AIPL1: variants seen among roughly 807,000 people sequenced by gnomAD.
The protein encoded by AIPL1 is AIP like 1 HSP90 co-chaperone.
In AIPL1, 23 loss-of-function variants were observed where a neutral mutation model predicts 32.9. That is an observed-to-expected ratio of 0.70 (90% CI 0.50 to 0.99). The LOEUF is 0.99. AIPL1 is among the 50% of genes least tolerant of loss of function. AIPL1 has a pLI of 0.00. For missense variants in AIPL1, 485 were observed against 506.0 expected, an observed-to-expected ratio of 0.96 and a Z score of 0.40; for synonymous variants, 210 against 209.4, an observed-to-expected ratio of 1.00 and a Z score of -0.02.
At chr17:6,428,616 A>G in intron 2 of AIPL1, 110 bp from the exon 3 acceptor site, 2 of 986,282 alleles carry the variant, frequency 2.0e-6, no homozygotes, top group Non-Finnish European at 3.2e-6. Flanking sequence ...CTCCCTCACT[A>G]TGCCACTCAT....
At chr17:6,429,756 C>T (rs770862389) in intron 2 of AIPL1, among the ~76,000 whole-genome samples, 5 of 152,128 alleles carry the variant, frequency 3.3e-5, no homozygotes, top group African/African-American at 4.8e-5. Context: ...TCCTAACATA[C>T]AGCACAGGCC....
rs1362966770 is a variant in AIPL1, at chr17:6,425,834, T to A, written c.785-4A>T. 1.9e-6 allele frequency: 3 copies of A among 1,602,504 alleles called. No individual in the cohort carries two copies. In the South Asian group the frequency reaches 3.3e-5, roughly 18 times the overall value. The stretch of plus-strand genomic sequence containing the variant: ...ACGTAGTAGGCCTTCACGATGCCTG[T>A]GGGGAGCAGGGAGCATCCAGCTACA... On this transcript the variant is annotated splice_polypyrimidine_tract_variant and splice_region_variant and intron_variant, in intron 5 of 5. Transcript: ENST00000381129.
intron 2 of AIPL1, among the ~76,000 whole-genome samples, chr17:6,432,630 T>C (rs1912710393): frequency 7.4e-6 from 1 of 134,818 alleles, no homozygotes; most frequent in Admixed American, 7.9e-5. Flanking sequence ...GTTTCTTTAA[T>C]ATCCTCTTTT....
intron 2 of AIPL1, among the ~76,000 whole-genome samples, chr17:6,432,974 C>T (rs939345717): frequency 5.3e-5 from 8 of 152,252 alleles, no homozygotes; most frequent in Admixed American, 2.6e-4. Context: ...TTTGGTTTAA[C>T]CACGCAGGAC....
intron 5 of AIPL1, 187 bp from the exon 6 acceptor site, chr17:6,426,017 T>C (rs1419265734): frequency 9.7e-7 from 1 of 1,025,854 alleles, no homozygotes; most frequent in African/African-American, 1.6e-5. Context: ...CAGTACCTCC[T>C]CCTCTCCTTT....
intron 4 of AIPL1, 21 bp downstream of exon 4, chr17:6,426,860 C>G (rs199644708): frequency 6.2e-7 from 1 of 1,613,932 alleles, no homozygotes; most frequent in South Asian, 1.1e-5. Context: ...CACTTCCCAC[C>G]CCTGGCCAGC....
At chr17:6,428,147 A>C (rs1353460461) in intron 3 of AIPL1, among the ~76,000 whole-genome samples, 171 bp downstream of exon 3, 1 of 152,194 alleles carries the variant, frequency 6.6e-6, no homozygotes, top group Non-Finnish European at 1.5e-5. Flanking sequence ...TGGAAAAATC[A>C]GAGGACTTTT....
chr17:6,433,485 G>A (rs954568857), intron 2 of AIPL1, among the ~76,000 whole-genome samples: 2 of 152,056 alleles, frequency 1.3e-5, no homozygotes, highest in Non-Finnish European at 2.9e-5. Context: ...CAACTACTTG[G>A]AAGGCTGAAG....
rs777463349 is a variant in AIPL1 at position 6,425,130 on chromosome 17, C to T, written c.*330G>A. ...AGAAAGGATCAGAGCATCAAATCCT[C>T]ATTTGTCATTGACATGGGGTAAAAT... On this transcript the variant is annotated 3_prime_UTR_variant, in exon 6 of 6. Coordinates refer to ENST00000381129, the MANE Select transcript of AIPL1 (RefSeq NM_014336.5). 4 of 232,340 alleles carry T rather than the reference C, an allele frequency of 1.7e-5. No homozygotes were observed. Among genetic ancestry groups the T allele is most frequent in the Non-Finnish European group, 2.5e-5 (3 of 119,418 alleles). The allele number at this position is 232,340 out of a possible 1,614,324, so 14.4% of individuals were successfully genotyped here.
rs187185709 is a variant in AIPL1 at position 6,425,371 on chromosome 17, T to A, written c.*89A>T. ...GATTTCAAAAATTAATTTTAAATTT[T>A]AAAAAGTGACACCACGATCCTGGTC... On this transcript the variant is annotated 3_prime_UTR_variant, in exon 6 of 6. Coordinates refer to ENST00000381129, the MANE Select transcript of AIPL1 (RefSeq NM_014336.5). 9 of 1,440,084 alleles carry A rather than the reference T, an allele frequency of 6.2e-6. No homozygotes were observed. In the African/African-American group the frequency reaches 7.1e-5, roughly 11 times the overall value. 89.2% of individuals were successfully genotyped at this position (1,440,084 alleles called of 1,614,324 possible). A position where few individuals can be genotyped will look rare whatever the true frequency, so the allele number is the denominator to read the frequency against.
In AIPL1 at chr17:6,434,996, G is replaced by T. The variant is rs1213538509; in HGVS notation, c.96+13C>A. ...GTGGGGGACCCTGTCTGCTCCGGAG[G>T]GGCCCCACTCACTCGGGATCCGGTG... On this transcript the variant is annotated intron_variant, in intron 1 of 5. Coordinates refer to ENST00000381129, the MANE Select transcript of AIPL1 (RefSeq NM_014336.5). 2 of 1,614,030 alleles carry T rather than the reference G, an allele frequency of 1.2e-6. No individual in the cohort carries two copies. The highest frequency in any genetic ancestry group is 3.3e-5 in the Admixed American group (2 of 60,012).
intron 4 of AIPL1, 32 bp from the exon 5 acceptor site, chr17:6,426,788 G>C (rs1912018763): frequency 1.9e-6 from 3 of 1,612,678 alleles, no homozygotes; most frequent in Non-Finnish European, 2.5e-6. Flanking sequence ...CATGACCTCA[G>C]GCAGCTGCCC....
rs763864706 is a variant in AIPL1, at chr17:6,435,069, G to C, written c.36C>G (p.Val12=). ...TGCCCCCGTGCAGAATGGTTTTCTT[G>C]ACCCCTTCCACGTTCAGGAGCAGAG... ...DAALLLNVEG[V]KKTILHGGTG... Residue 12 remains valine (V), a synonymous_variant, in exon 1 of 6, where the codon GTC becomes GTG. Coordinates refer to ENST00000381129, the MANE Select transcript of AIPL1 (RefSeq NM_014336.5). 1.2e-6 allele frequency: 2 copies of C among 1,614,196 alleles called. No homozygotes were observed. Among genetic ancestry groups the C allele is most frequent in the East Asian group, 2.2e-5 (1 of 44,874 alleles).
At chr17:6,431,473 C>A (rs547418755) in intron 2 of AIPL1, among the ~76,000 whole-genome samples, 1 of 150,614 alleles carries the variant, frequency 6.6e-6, no homozygotes, top group Non-Finnish European at 1.5e-5. Context: ...AAAAAAAATT[C>A]TAGCTCAAAA....
In AIPL1 at chr17:6,428,442, G is replaced by T; in HGVS notation, c.341C>A (p.Thr114Lys). Residue 114 changes from threonine (T) to lysine (K), a missense_variant, in exon 3 of 6, where the codon ACA becomes AAA. Coordinates refer to ENST00000381129, the MANE Select transcript of AIPL1 (RefSeq NM_014336.5). ...CCCGCACGTGTGCACGTGCCACTCT[G>T]TGGGGTCCTTGCCCTGGGCCATCTG... ...LRQMAQGKDP[T>K]EWHVHTCGLA... 6.2e-7 allele frequency: 1 copy of T among 1,613,964 alleles called. No individual in the cohort carries two copies. The highest frequency in any genetic ancestry group is 8.5e-7 in the Non-Finnish European group (1 of 1,180,052).
chr17:6,425,308 T>C lies in AIPL1; in HGVS notation c.*152A>G. 1 of 54,166 alleles carries C rather than the reference T, an allele frequency of 1.8e-5. No individual in the cohort carries two copies. The highest frequency in any genetic ancestry group is 3.4e-5 in the Non-Finnish European group (1 of 29,608). The allele number at this position is 54,166 out of a possible 1,614,324, so 3.4% of individuals were successfully genotyped here. On this transcript the variant is annotated 3_prime_UTR_variant, in exon 6 of 6. Coordinates refer to ENST00000381129, the MANE Select transcript of AIPL1 (RefSeq NM_014336.5). ...AAGCTCTTCTGTACCCTTGGGATTG[T>C]TTTTTTTTTTTTTTTTACCATGGGT...
chr17:6,430,175 A>C (rs113037992), intron 2 of AIPL1, among the ~76,000 whole-genome samples: 8,918 of 151,590 alleles, frequency 0.059, 628 homozygotes, highest in African/African-American at 0.16. Flanking sequence ...CATAGTTACC[A>C]TGGGGAGCAG....
chr17:6,426,952 G>C lies in AIPL1; in HGVS notation c.571C>G (p.Leu191Val), dbSNP rs545809116. ...LHGEGNRLFK[L>V]GRYEEASSKY... ...GAAGAGGCCTCCTCGTAGCGGCCCA[G>C]CTTGAAGAGCCGATTTCCCTCTCCG... The change falls in exon 4 of 6, where the codon CTG becomes GTG. Residue 191 changes from leucine to valine, a missense_variant. Leu to Val is a conservative substitution (Grantham distance 32, BLOSUM62 1). Coordinates refer to ENST00000381129, the MANE Select transcript of AIPL1 (RefSeq NM_014336.5). 14 of 1,614,242 alleles carry C rather than the reference G, an allele frequency of 8.7e-6. No homozygotes were observed. Among genetic ancestry groups the C allele is most frequent in the African/African-American group, 2.7e-5 (2 of 75,070 alleles).
Position 6,425,433 on chromosome 17 carries a change from C to T in AIPL1, c.*27G>A. ...AAGTGACCAGGCCACTTGCTCCCTG[C>T]CTGGGTGGCTGTGGGCCTCAGGGGG... On this transcript the variant is annotated 3_prime_UTR_variant, in exon 6 of 6. Coordinates refer to ENST00000381129, the MANE Select transcript of AIPL1 (RefSeq NM_014336.5). 1.3e-6 allele frequency: 2 copies of T among 1,566,858 alleles called. No homozygotes were observed. The highest frequency in any genetic ancestry group is 1.1e-5 in the South Asian group (1 of 87,564).
Sources: allele counts gnomAD v4.1 joint callset (sites outside exome capture counted in the v4.1 genomes callset), GRCh38; gene constraint gnomAD v4.1.1; transcripts MANE v1.5; gene names NCBI Gene and HGNC (gene_info 2026-07-23, HGNC 2026-07-21).